Variants in SLC45A4 observed in about 807,000 individuals in gnomAD.
SLC45A4 encodes solute carrier family 45 member 4, also known as polyamine-transporter SLC45A4.
A neutral mutation model predicts 63.7 loss-of-function variants in SLC45A4; 32 were observed. The ratio of observed to expected loss-of-function variants is 0.50; its 90% confidence interval spans 0.38 to 0.67. The LOEUF is 0.67. Ranked by LOEUF, SLC45A4 falls within the 30% of genes least tolerant of loss-of-function variation. The pLI is 0.00. For synonymous variants in SLC45A4, 535 were observed against 510.0 expected (o/e 1.05, Z -0.66); for missense variants, 1,027 against 1,157.7 (o/e 0.89, Z 1.64).
chr8:141,280,253 C>T (rs1374600166), intron 1 of SLC45A4, among the ~76,000 whole-genome samples: 2 of 152,236 alleles, frequency 1.3e-5, no homozygotes, highest in Non-Finnish European at 2.9e-5. Context: ...CCTGGGGTCA[C>T]TGGCTCGTGA....
Position 141,254,161 on chromosome 8 carries a change from C to T in SLC45A4, c.69G>A (p.Pro23=), listed in dbSNP as rs572815092. 15 of 1,536,132 alleles carry T rather than the reference C, an allele frequency of 9.8e-6. No individual in the cohort carries two copies. Among genetic ancestry groups the T allele is most frequent in the East Asian group, 2.4e-5 (1 of 40,928 alleles). The change falls in exon 2 of 9, where the codon CCG becomes CCA. Residue 23 remains proline, a synonymous_variant. Coordinates refer to ENST00000517878, the MANE Select transcript of SLC45A4 (RefSeq NM_001286646.2). This position sits in a 1 kb window ranked among gnomAD's most constrained non-coding sequence, Gnocchi z 4.5. ...MQVQELSVPL[P]DPQKAGGAEA... is the part of the protein sequence containing the mutation. ...CTGCGCCTCCGGCTTTCTGCGGGTCCGGCAGGGGCACGGATAACTCTTGAA... is the reference window on the plus strand; with the variant it reads ...CTGCGCCTCCGGCTTTCTGCGGGTCTGGCAGGGGCACGGATAACTCTTGAA...
intron 1 of SLC45A4, among the ~76,000 whole-genome samples, chr8:141,307,461 C>T (rs7008089): frequency 0.57 from 86,915 of 151,328 alleles, 25,166 homozygotes; most frequent in Admixed American, 0.6. Context: ...GGGTCCGAGG[C>T]GGGGGACACT....
intron 4 of SLC45A4, 134 bp from the exon 5 acceptor site, chr8:141,219,163 A>T: frequency 4.9e-6 from 5 of 1,026,692 alleles, no homozygotes; most frequent in Non-Finnish European, 7.0e-6. Flanking sequence ...GAGAAGGAGA[A>T]AGCAGTAGGA....
chr8:141,303,319 T>C (rs1830806712), intron 1 of SLC45A4, among the ~76,000 whole-genome samples: 1 of 151,160 alleles, frequency 6.6e-6, no homozygotes, highest in Admixed American at 6.6e-5. Flanking sequence ...TTTTTTTTTT[T>C]TGGACAGGTG....
chr8:141,212,973 G>A lies in SLC45A4; in HGVS notation c.1942-417C>T, dbSNP rs185624991. 4.6e-5 allele frequency among the ~76,000 whole-genome samples: 7 copies of A among 152,342 alleles called. No homozygotes were observed. The East Asian group carries it at 7.7e-4, about 17-fold the overall frequency. ...CCAAAGTATAACTGCAGGTGGCCAC[G>A]TGCAACAAAGGCTGGACCCACGGAA... On this transcript the variant is annotated intron_variant, in intron 7 of 8. Coordinates refer to ENST00000517878, the MANE Select transcript of SLC45A4 (RefSeq NM_001286646.2).
At chr8:141,272,652 GC>G (rs1212247308) in intron 1 of SLC45A4, among the ~76,000 whole-genome samples, 1 of 152,158 alleles carries the variant, frequency 6.6e-6, no homozygotes, top group African/African-American at 2.4e-5. Context: ...GCACCTGCAA[GC>G]CTTAGGCCCT....
intron 2 of SLC45A4, among the ~76,000 whole-genome samples, chr8:141,253,548 A>G (rs1344184296): frequency 6.6e-6 from 1 of 152,236 alleles, no homozygotes; most frequent in East Asian, 1.9e-4. Flanking sequence ...TTGCGAATGC[A>G]ATCACTTTAC....
At chr8:141,304,952 C>T (rs1830855986) in intron 1 of SLC45A4, among the ~76,000 whole-genome samples, 1 of 152,318 alleles carries the variant, frequency 6.6e-6, no homozygotes, top group Non-Finnish European at 1.5e-5. Context: ...GCTGTTTCTC[C>T]TGTCACCTCC....
intron 1 of SLC45A4, among the ~76,000 whole-genome samples, chr8:141,263,035 T>C (rs1563656575): frequency 1.3e-5 from 2 of 151,600 alleles, no homozygotes; most frequent in Admixed American, 1.3e-4. Flanking sequence ...TATGCAGCCA[T>C]AAAAAATGAT....
Position 141,212,535 on chromosome 8 carries a change from T to C in SLC45A4, c.1963A>G (p.Asn655Asp). ...TCTATGCCAAACCCTCGCTTGGAGT[T>C]CCCGGGGCTGTGGTGGATGTACTGC... Reference protein sequence around the residue: ...IKQYIHHSPGNSKRGFGIDCA... With the variant: ...IKQYIHHSPGDSKRGFGIDCA... Residue 655 changes from asparagine (N) to aspartate (D), a missense_variant, in exon 8 of 9, where the codon AAC becomes GAC. Coordinates refer to ENST00000517878, the MANE Select transcript of SLC45A4 (RefSeq NM_001286646.2). The C allele has an allele frequency of 6.2e-7, 1 of 1,607,792 alleles. No individual in the cohort carries two copies. The highest frequency in any genetic ancestry group is 1.1e-5 in the South Asian group (1 of 90,936).
intron 1 of SLC45A4, among the ~76,000 whole-genome samples, chr8:141,268,400 T>C (rs924059816): frequency 5.9e-5 from 9 of 152,300 alleles, no homozygotes; most frequent in African/African-American, 2.2e-4. Context: ...TTTGCCAACC[T>C]ACTGGAGCTA....
intron 1 of SLC45A4, among the ~76,000 whole-genome samples, chr8:141,277,128 G>A (rs575188130): frequency 2.6e-5 from 4 of 152,216 alleles, no homozygotes; most frequent in African/African-American, 7.2e-5. Context: ...AGATGGGTGC[G>A]CCACGATGGC....
At position 141,215,021 on chromosome 8, in the gene SLC45A4, C is replaced by T. The variant is rs1826054121; in HGVS notation, c.1941+738G>A. Reference sequence around the variant, plus strand: ...GCCCCAACCTGGAAGCACCCAAAGGCTCACAAAGCAGGGTGCATCTGGCCA... The same window carrying T: ...GCCCCAACCTGGAAGCACCCAAAGGTTCACAAAGCAGGGTGCATCTGGCCA... On this transcript the variant is annotated intron_variant, in intron 7 of 8. Coordinates refer to ENST00000517878, the MANE Select transcript of SLC45A4 (RefSeq NM_001286646.2). The surrounding 1 kb of genome is among the most constrained non-coding windows in gnomAD (Gnocchi z 4.3). Among the ~76,000 whole-genome samples the T allele has an allele frequency of 6.6e-6, 1 of 152,326 alleles. No homozygotes were observed. The highest frequency in any genetic ancestry group is 1.9e-4 in the East Asian group (1 of 5,178).
rs1388156819 is a variant in SLC45A4, at chr8:141,253,977, G to A, written c.241+12C>T. On this transcript the variant is annotated intron_variant, in intron 2 of 8. Transcript: ENST00000517878. ...TCAGCGTTCACTGCGCACAGACGGG[G>A]AGGAGACTTACCAATCTGCAACAGT... The A allele has an allele frequency of 1.3e-6, 2 of 1,535,944 alleles. No homozygotes were observed. Among genetic ancestry groups the A allele is most frequent in the Admixed American group, 2.0e-5 (1 of 51,006 alleles).
At chr8:141,269,613 T>G (rs1193570045) in intron 1 of SLC45A4, among the ~76,000 whole-genome samples, 1 of 151,638 alleles carries the variant, frequency 6.6e-6, no homozygotes, top group African/African-American at 2.4e-5. Flanking sequence ...TATCAATGTC[T>G]GCCTATGTGT....
rs1291948879 is a variant in SLC45A4 at position 141,254,606 on chromosome 8, A to C, written c.-377T>G. On this transcript the variant is annotated 5_prime_UTR_variant, in exon 2 of 9. Transcript: ENST00000517878. The surrounding 1 kb of genome is among the most constrained non-coding windows in gnomAD (Gnocchi z 4.5). ...GATACAAACAGGTGGTCCGCTGGTA[A>C]TCCCCATCGAGTGACTGGATGATCT... 4 of 701,460 alleles carry C rather than the reference A, an allele frequency of 5.7e-6. No individual in the cohort carries two copies. The highest frequency in any genetic ancestry group is 2.3e-4 in the Middle Eastern group (1 of 4,364). 43.5% of individuals were successfully genotyped at this position (701,460 alleles called of 1,614,324 possible). A position where few individuals can be genotyped will look rare whatever the true frequency, so the allele number is the denominator to read the frequency against.
In SLC45A4 at chr8:141,246,267, G is replaced by A. The variant is rs544731742; in HGVS notation, c.241+7722C>T. 2.0e-5 allele frequency among the ~76,000 whole-genome samples: 3 copies of A among 152,300 alleles called. No individual in the cohort carries two copies. The South Asian group carries it at 6.2e-4, about 32-fold the overall frequency. ...TGAGCACGTGTACTGGTTTCCTGCT[G>A]CTGCGTAACAAACTGCACACCACCC... On this transcript the variant is annotated intron_variant, in intron 2 of 8. Transcript: ENST00000517878.
At chr8:141,253,005 G>A (rs368756190) in intron 2 of SLC45A4, among the ~76,000 whole-genome samples, 4 of 141,484 alleles carry the variant, frequency 2.8e-5, no homozygotes, top group Non-Finnish European at 4.6e-5. Context: ...CCACCTGTGC[G>A]TCTGTGAATT....
rs140404746 is a variant in SLC45A4, at chr8:141,281,506, T to C, written c.-401+26590A>G. Among the ~76,000 whole-genome samples, 124 of 152,312 alleles carry C rather than the reference T, an allele frequency of 8.1e-4. 2 individuals carry two copies. In the East Asian group the frequency reaches 0.018, roughly 22 times the overall value. Reference sequence around the variant, plus strand: ...CAGCAGGCTCTCACGGACAGAGCGGTTGCTAATGGCCTTAAAGCTCCGCGG... The same window carrying C: ...CAGCAGGCTCTCACGGACAGAGCGGCTGCTAATGGCCTTAAAGCTCCGCGG... On this transcript the variant is annotated intron_variant, in intron 1 of 8. Transcript: ENST00000517878.
Sources: gnomAD v4.1 joint callset for allele counts (sites outside exome capture counted in the v4.1 genomes callset) on GRCh38, gnomAD v4.1.1 for gene constraint, Gnocchi (gnomAD v3.1) non-coding constraint, MANE v1.5 for transcripts, NCBI Gene and HGNC (gene_info 2026-07-23, HGNC 2026-07-21) for gene names.